The following MMS22L variants were observed in gnomAD, a reference collection of about 807,000 sequenced individuals.
MMS22L encodes the protein MMS22 like, DNA repair protein, also known as protein MMS22-like.
A neutral mutation model predicts 159.1 loss-of-function variants in MMS22L; 74 were observed. That is an observed-to-expected ratio of 0.47 (90% CI 0.39 to 0.56). The LOEUF (loss-of-function observed/expected upper bound fraction) is 0.56, where lower values mean the gene tolerates loss of function less well. Ranked by LOEUF, MMS22L falls within the 20% of genes least tolerant of loss-of-function variation. The probability of loss-of-function intolerance (pLI) is 0.00; values close to 1 mark genes in which losing one functional copy is unlikely to be tolerated. For missense variants in MMS22L, 1,351 were observed against 1,422.1 expected, an observed-to-expected ratio of 0.95 and a Z score of 0.80; for synonymous variants, 517 against 506.9, an observed-to-expected ratio of 1.02 and a Z score of -0.27.
chr6:97,276,160 A>C (rs983886225), intron 4 of MMS22L, among the ~76,000 whole-genome samples: 3 of 152,188 alleles, frequency 2.0e-5, no homozygotes, highest in African/African-American at 7.2e-5. Flanking sequence ...CTACATAGGG[A>C]CTTCTTGGCA....
intron 11 of MMS22L, among the ~76,000 whole-genome samples, chr6:97,236,513 GGA>G (rs907047319): frequency 6.6e-6 from 1 of 152,120 alleles, no homozygotes; most frequent in Non-Finnish European, 1.5e-5. Context: ...GTGGGAGATA[GGA>G]GAGAAAGAAT....
intron 11 of MMS22L, among the ~76,000 whole-genome samples, chr6:97,239,334 A>G (rs993207908): frequency 7.9e-5 from 12 of 152,354 alleles, no homozygotes; most frequent in African/African-American, 2.9e-4. Flanking sequence ...AAAACTAAAA[A>G]TTACTTCTGT....
intron 6 of MMS22L, chr6:97,271,616 C>A (rs945058488): frequency 1.3e-5 from 2 of 152,138 alleles, no homozygotes; most frequent in Admixed American, 6.5e-5. Flanking sequence ...ATATATTGAT[C>A]TCTGATGAAA....
At chr6:97,263,004 G>A (rs1347485617) in intron 9 of MMS22L, among the ~76,000 whole-genome samples, 8 of 151,920 alleles carry the variant, frequency 5.3e-5, no homozygotes, top group South Asian at 4.2e-4. Flanking sequence ...TAAATCTGCC[G>A]TATTTCCTGA....
intron 11 of MMS22L, among the ~76,000 whole-genome samples, chr6:97,235,502 C>CA (rs958851712): frequency 5.3e-5 from 8 of 150,826 alleles, no homozygotes; most frequent in Non-Finnish European, 1.2e-4. Context: ...AGAATATATG[C>CA]AAAAACAAGT....
intron 14 of MMS22L, among the ~76,000 whole-genome samples, chr6:97,218,957 A>G (rs934318649): frequency 1.3e-5 from 2 of 152,004 alleles, no homozygotes; most frequent in African/African-American, 4.8e-5. Context: ...TCTTCACATG[A>G]CAGCAGGAGG....
At chr6:97,208,014 T>G (rs993110612) in intron 14 of MMS22L, among the ~76,000 whole-genome samples, 1 of 152,178 alleles carries the variant, frequency 6.6e-6, no homozygotes, top group Non-Finnish European at 1.5e-5. Flanking sequence ...AAAGATGTAT[T>G]TAAGTATAAG....
intron 10 of MMS22L, among the ~76,000 whole-genome samples, chr6:97,252,511 G>T (rs1813347685): frequency 6.6e-6 from 1 of 151,922 alleles, no homozygotes; most frequent in South Asian, 2.1e-4. Context: ...TGGGCGTGGT[G>T]GTGTGTACCT....
intron 9 of MMS22L, among the ~76,000 whole-genome samples, chr6:97,257,788 G>C (rs1043472914): frequency 4.5e-4 from 68 of 152,014 alleles, no homozygotes; most frequent in African/African-American, 1.5e-3. Context: ...CCTATTACTA[G>C]TTAACTTTGA....
At chr6:97,261,271 G>C (rs1814450931) in intron 9 of MMS22L, 1 of 152,008 alleles carries the variant, frequency 6.6e-6, no homozygotes, top group African/African-American at 2.4e-5. Flanking sequence ...GTATGTTTTT[G>C]TATACAGCTG....
At chr6:97,192,828 A>C (rs1806036676) in intron 14 of MMS22L, among the ~76,000 whole-genome samples, 1 of 152,190 alleles carries the variant, frequency 6.6e-6, no homozygotes, top group Admixed American at 6.5e-5. Flanking sequence ...TTTATAACTA[A>C]TTTAATCTGT....
intron 9 of MMS22L, chr6:97,261,249 G>A (rs1814448340): frequency 1.3e-5 from 2 of 152,154 alleles, no homozygotes; most frequent in Non-Finnish European, 2.9e-5. Context: ...CCCATTTGCA[G>A]TTATATAATA....
chr6:97,202,057 A>T (rs1807227104), intron 14 of MMS22L, among the ~76,000 whole-genome samples: 1 of 152,194 alleles, frequency 6.6e-6, no homozygotes, highest in South Asian at 2.1e-4. Flanking sequence ...AAAGTAAACC[A>T]AGAGACCACT....
At chr6:97,266,386 T>C (rs966769336) in intron 8 of MMS22L, 1 of 152,232 alleles carries the variant, frequency 6.6e-6, no homozygotes, top group Admixed American at 6.5e-5. Flanking sequence ...GCAGCATTAT[T>C]TATAAGAGCC....
chr6:97,246,136 T>C (rs571616250), intron 11 of MMS22L: 23 of 453,036 alleles, frequency 5.1e-5, no homozygotes, highest in South Asian at 2.3e-4. Flanking sequence ...CTCTAGGCCA[T>C]GAAGCACTAC....
At chr6:97,199,450 C>T (rs1194828478) in intron 14 of MMS22L, among the ~76,000 whole-genome samples, 1 of 152,072 alleles carries the variant, frequency 6.6e-6, no homozygotes, top group Non-Finnish European at 1.5e-5. Context: ...TCTCTTCCCC[C>T]CACCTCCATT....
chr6:97,248,050 TCA>T (rs1372132877), intron 10 of MMS22L, among the ~76,000 whole-genome samples: 1 of 152,192 alleles, frequency 6.6e-6, no homozygotes, highest in Admixed American at 6.5e-5. Flanking sequence ...CAATTCCCTC[TCA>T]CACTGTACGA....
chr6:97,246,935 T>C (rs1474068166), intron 10 of MMS22L, among the ~76,000 whole-genome samples: 3 of 151,120 alleles, frequency 2.0e-5, no homozygotes, highest in Non-Finnish European at 2.9e-5. Context: ...AGTAAGATTA[T>C]AAATATTCTA....
At chr6:97,231,068 A>C (rs550706291) in intron 13 of MMS22L, 1 of 183,364 alleles carries the variant, frequency 5.5e-6, no homozygotes, top group African/African-American at 2.4e-5. Flanking sequence ...TAATGTGACC[A>C]AAGTTTATTT....
Sources: allele counts gnomAD v4.1 joint callset (sites outside exome capture counted in the v4.1 genomes callset), GRCh38; gene constraint gnomAD v4.1.1; transcripts MANE v1.5; gene names NCBI Gene and HGNC (gene_info 2026-07-23, HGNC 2026-07-21).